Variants in DECR1 observed in about 807,000 individuals in gnomAD.
DECR1 encodes 2,4-dienoyl-CoA reductase 1.
DECR1 carries 44 observed loss-of-function variants against 38.8 expected under a neutral mutation model. The ratio of observed to expected loss-of-function variants is 1.13; its 90% CI spans 0.89 to 1.46. DECR1 has a LOEUF of 1.46. Ranked by LOEUF, DECR1 falls within the 40% of genes most tolerant of loss-of-function variation. The pLI is 0.00. For synonymous variants in DECR1, 148 were observed against 135.2 expected (o/e 1.09, Z -0.66); for missense variants, 428 against 405.5 (o/e 1.06, Z -0.48).
At chr8:90,010,652 A>G (rs977058157) in intron 1 of DECR1, among the ~76,000 whole-genome samples, 3 of 152,244 alleles carry the variant, frequency 2.0e-5, no homozygotes, top group Non-Finnish European at 4.4e-5. Context: ...CCCAGTCTGC[A>G]AAACTCTTAT....
intron 8 of DECR1, 37 bp from the exon 9 acceptor site, chr8:90,051,640 G>A (rs554605005): frequency 6.5e-7 from 1 of 1,543,654 alleles, no homozygotes; most frequent in Non-Finnish European, 8.9e-7. Flanking sequence ...TTTTTAAAAG[G>A]AGTTAGTTTC....
intron 5 of DECR1, among the ~76,000 whole-genome samples, chr8:90,036,230 T>A (rs1813614228): frequency 6.6e-6 from 1 of 152,156 alleles, no homozygotes; most frequent in African/African-American, 2.4e-5. Context: ...GATCTCTATC[T>A]TCTTAACTCA....
At chr8:90,039,322 A>C (rs1406338858) in intron 6 of DECR1, among the ~76,000 whole-genome samples, 4 of 152,194 alleles carry the variant, frequency 2.6e-5, no homozygotes, top group African/African-American at 9.6e-5. Context: ...CAGTTTCCAC[A>C]TGGCTAGGGA....
At chr8:90,023,749 G>A (rs1813225253) in intron 5 of DECR1, among the ~76,000 whole-genome samples, 1 of 151,878 alleles carries the variant, frequency 6.6e-6, no homozygotes, top group Admixed American at 6.6e-5. Context: ...TTAAGTTCTA[G>A]GGTACATGTG....
chr8:90,008,381 G>A (rs1031822620), intron 1 of DECR1, among the ~76,000 whole-genome samples: 7 of 152,078 alleles, frequency 4.6e-5, no homozygotes, highest in African/African-American at 1.7e-4. Context: ...TACTGCCCTC[G>A]GTATCTCTCA....
intron 5 of DECR1, among the ~76,000 whole-genome samples, chr8:90,034,375 G>T (rs1813567829): frequency 6.6e-6 from 1 of 152,112 alleles, no homozygotes; most frequent in South Asian, 2.1e-4. Flanking sequence ...AAGAAGTAGA[G>T]AAATCACTGA....
Position 90,052,089 on chromosome 8 carries a change from C to T in DECR1, c.*192C>T, listed in dbSNP as rs1225251690. 1.8e-5 allele frequency: 8 copies of T among 436,110 alleles called. No homozygotes were observed. Among genetic ancestry groups the T allele is most frequent in the Non-Finnish European group, 2.7e-5 (7 of 255,438 alleles). 27.0% of individuals were successfully genotyped at this position (436,110 alleles called of 1,614,324 possible). ...TAAAATGAAATATAGTCCTTCAAAA[C>T]ATTAAAAAAAAAAAAAGGAGGCATG... On this transcript the variant is annotated 3_prime_UTR_variant, in exon 10 of 10. Transcript: ENST00000220764.
chr8:90,052,006 T>G lies in DECR1; in HGVS notation c.*109T>G. On this transcript the variant is annotated 3_prime_UTR_variant, in exon 10 of 10. Transcript: ENST00000220764. ...TAATAAATTCTTAATTAACAAACAT[T>G]CATTGAATATGTATTATGTGCCAGG... The G allele has an allele frequency of 1.1e-6, 1 of 933,798 alleles. No individual in the cohort carries two copies. The highest frequency in any genetic ancestry group is 1.7e-6 in the Non-Finnish European group (1 of 597,288). 57.8% of individuals were successfully genotyped at this position (933,798 alleles called of 1,614,324 possible).
At chr8:90,038,535 C>T (rs913112719) in intron 6 of DECR1, among the ~76,000 whole-genome samples, 12 of 149,632 alleles carry the variant, frequency 8.0e-5, no homozygotes, top group African/African-American at 2.2e-4. Context: ...CTTGGCTCAC[C>T]GCAACCTGTG....
rs756447890 is a variant in DECR1, at chr8:90,051,699, A to G, written c.908A>G (p.Glu303Gly). Residue 303 changes from glutamate to glycine, a missense_variant, in exon 9 of 10, where the codon GAG becomes GGG. Coordinates refer to ENST00000220764, the MANE Select transcript of DECR1 (RefSeq NM_001359.2). ...CAGGTCATTAAATTTGACGGTGGAG[A>G]GGAAGTACTTATTTCAGGGGAATTC... ...NGAVIKFDGG[E>G]EVLISGEFND... 1.2e-6 allele frequency: 2 copies of G among 1,612,278 alleles called. No individual in the cohort carries two copies. Among genetic ancestry groups the G allele is most frequent in the Admixed American group, 1.7e-5 (1 of 59,946 alleles).
intron 1 of DECR1, among the ~76,000 whole-genome samples, chr8:90,011,373 G>A (rs928711859): frequency 8.5e-4 from 129 of 152,276 alleles, no homozygotes; most frequent in African/African-American, 3.0e-3. Flanking sequence ...AACACACATA[G>A]ATTGTTTTGT....
intron 1 of DECR1, among the ~76,000 whole-genome samples, chr8:90,009,262 A>G (rs1194025951): frequency 6.6e-6 from 1 of 151,854 alleles, no homozygotes; most frequent in Non-Finnish European, 1.5e-5. Context: ...TTTGCTCCCA[A>G]TCCCTTTTGC....
At chr8:90,048,769 A>G (rs1451675233) in intron 8 of DECR1, among the ~76,000 whole-genome samples, 1 of 152,224 alleles carries the variant, frequency 6.6e-6, no homozygotes, top group Non-Finnish European at 1.5e-5. Flanking sequence ...TTCCTGATGA[A>G]CATTGATGCA....
intron 8 of DECR1, among the ~76,000 whole-genome samples, chr8:90,049,624 G>A (rs571006473): frequency 1.3e-5 from 2 of 152,284 alleles, no homozygotes; most frequent in Non-Finnish European, 2.9e-5. Context: ...TAGATTCAGT[G>A]CCATCCCCAT....
chr8:90,045,085 A>T, intron 8 of DECR1, 90 bp downstream of exon 8: 1 of 1,149,372 alleles, frequency 8.7e-7, no homozygotes, highest in Non-Finnish European at 1.3e-6. Flanking sequence ...ACAATGCTGA[A>T]TGTAAATATC....
At chr8:90,030,385 A>T (rs903119479) in intron 5 of DECR1, 1 of 152,178 alleles carries the variant, frequency 6.6e-6, no homozygotes, top group South Asian at 2.1e-4. Flanking sequence ...TCCATTACAA[A>T]TTCTTTTATC....
intron 1 of DECR1, among the ~76,000 whole-genome samples, chr8:90,002,732 A>G (rs1237445220): frequency 6.6e-6 from 1 of 152,210 alleles, no homozygotes; most frequent in African/African-American, 2.4e-5. Context: ...CAAGTAAGGT[A>G]TCTTTCTTTT....
intron 5 of DECR1, among the ~76,000 whole-genome samples, chr8:90,025,653 C>A (rs1431336079): frequency 2.0e-5 from 3 of 152,190 alleles, no homozygotes; most frequent in African/African-American, 4.8e-5. Context: ...AATATACAAT[C>A]ATGTCATCTG....
At chr8:90,002,602 T>A (rs1374465373) in intron 1 of DECR1, among the ~76,000 whole-genome samples, 1 of 152,234 alleles carries the variant, frequency 6.6e-6, no homozygotes, top group East Asian at 1.9e-4. Flanking sequence ...AATTAATATG[T>A]CAACTGTGAA....
Sources: gnomAD v4.1 joint callset for allele counts (sites outside exome capture counted in the v4.1 genomes callset) on GRCh38, gnomAD v4.1.1 for gene constraint, MANE v1.5 for transcripts, NCBI Gene and HGNC (gene_info 2026-07-23, HGNC 2026-07-21) for gene names.